Variants in COL4A3 observed in about 807,000 individuals in gnomAD.
The protein encoded by COL4A3 is collagen alpha-3(IV) chain.
A neutral mutation model predicts 217.4 loss-of-function variants in COL4A3; 135 were observed. That is an observed-to-expected ratio of 0.62 (90% CI 0.54 to 0.72). The LOEUF (loss-of-function observed/expected upper bound fraction) is 0.72. Among genes scored for constraint, COL4A3 ranks in the 30% least tolerant of loss-of-function variants. The probability of loss-of-function intolerance (pLI) is 0.00; values close to 1 mark genes in which losing one functional copy is unlikely to be tolerated. For synonymous variants in COL4A3, 690 were observed against 736.3 expected (o/e 0.94, Z 1.02); for missense variants, 1,868 against 2,119.9 (o/e 0.88, Z 2.33).
intron 3 of COL4A3, among the ~76,000 whole-genome samples, chr2:227,244,023 T>G (rs552453521): frequency 6.6e-6 from 1 of 152,150 alleles, no homozygotes; most frequent in African/African-American, 2.4e-5. Flanking sequence ...CGGTCAATAG[T>G]CTGGGAGGTG....
intron 32 of COL4A3, among the ~76,000 whole-genome samples, chr2:227,283,251 C>T (rs1173723411): frequency 6.6e-6 from 1 of 152,172 alleles, no homozygotes; most frequent in Non-Finnish European, 1.5e-5. Flanking sequence ...AAGGACCTCA[C>T]CGATCTCCCC....
intron 32 of COL4A3, among the ~76,000 whole-genome samples, chr2:227,283,252 C>T (rs191257286): frequency 1.3e-3 from 191 of 152,180 alleles, no homozygotes; most frequent in Non-Finnish European, 2.0e-3. Flanking sequence ...AGGACCTCAC[C>T]GATCTCCCCT....
intron 26 of COL4A3, among the ~76,000 whole-genome samples, chr2:227,274,959 A>C (rs1038450845): frequency 3.9e-5 from 6 of 152,238 alleles, no homozygotes; most frequent in African/African-American, 1.4e-4. Context: ...GATGCATGAA[A>C]ATTACATGAA....
Position 227,279,931 on chromosome 2 carries a change from G to A in COL4A3, c.2223+41G>A, listed in dbSNP as rs1490359849. 3.5e-6 allele frequency: 5 copies of A among 1,438,712 alleles called. No homozygotes were observed. The South Asian group carries it at 4.8e-5, about 14-fold the overall frequency. The allele number at this position is 1,438,712 out of a possible 1,614,324, so 89.1% of individuals were successfully genotyped here. ...AGCTATCACAGAAGAGAGGGTGGGT[G>A]ACCATTAACTGGCCAGTTTGTATGC... is the stretch of plus-strand genomic sequence containing the variant. On this transcript the variant is annotated intron_variant, in intron 29 of 51. Coordinates refer to ENST00000396578, the MANE Select transcript of COL4A3 (RefSeq NM_000091.5).
intron 1 of COL4A3, among the ~76,000 whole-genome samples, chr2:227,174,767 A>G (rs1453959215): frequency 6.6e-6 from 1 of 152,180 alleles, no homozygotes; most frequent in Non-Finnish European, 1.5e-5. Context: ...TTGGCCTCCC[A>G]AAGTGTTGGG....
intron 1 of COL4A3, among the ~76,000 whole-genome samples, chr2:227,213,230 A>G (rs2067393342): frequency 6.6e-6 from 1 of 152,236 alleles, no homozygotes; most frequent in Non-Finnish European, 1.5e-5. Context: ...GACCACATGT[A>G]TAAGAGTGTG....
At position 227,303,857 on chromosome 2, in the gene COL4A3, A is replaced by G; in HGVS notation, c.3956-2A>G. On this transcript the variant is annotated splice_acceptor_variant, in intron 44 of 51. Transcript: ENST00000396578. LOFTEE classifies it high-confidence loss of function. Reference sequence around the variant, plus strand: ...TCACACTGTGTCTTTGTTTGTTTTTAGGAGAAAAGGGTAATCCTGGATTTC... The same window carrying G: ...TCACACTGTGTCTTTGTTTGTTTTTGGGAGAAAAGGGTAATCCTGGATTTC... The G allele has an allele frequency of 6.2e-7, 1 of 1,613,964 alleles. No homozygotes were observed. The highest frequency in any genetic ancestry group is 8.5e-7 in the Non-Finnish European group (1 of 1,179,940).
chr2:227,307,181 TCTTA>T (rs942745092), intron 47 of COL4A3, among the ~76,000 whole-genome samples: 6 of 152,234 alleles, frequency 3.9e-5, no homozygotes, highest in African/African-American at 1.4e-4. Context: ...AGCCTTCTCT[TCTTA>T]CTTGACTTAC....
In COL4A3 at chr2:227,202,784, ACACATG is replaced by A. The variant is rs1289985749; in HGVS notation, c.88-35183_88-35178del. On this transcript the variant is annotated intron_variant, in intron 1 of 51. Transcript: ENST00000396578. ...ATATATATATATATCACATATATAT[ACACATG>A]TGTATATATATAATATGTGTATATA... Among the ~76,000 whole-genome samples, 64 of 133,230 alleles carry A rather than the reference ACACATG, an allele frequency of 4.8e-4. 7 individuals carry two copies. The highest frequency in any genetic ancestry group is 2.0e-3 in the Admixed American group (25 of 12,604). The allele number at this position is 133,230 out of a possible 152,430, so 87.4% of individuals were successfully genotyped here.
Position 227,280,368 on chromosome 2 carries a change from C to A in COL4A3, c.2224-72C>A. The A allele has an allele frequency of 1.9e-6, 3 of 1,565,712 alleles. No individual in the cohort carries two copies. The South Asian group carries it at 3.4e-5, about 17-fold the overall frequency. On this transcript the variant is annotated intron_variant, in intron 29 of 51. Coordinates refer to ENST00000396578, the MANE Select transcript of COL4A3 (RefSeq NM_000091.5). ...GCTGTGCAACAGGGACTTAGAGCCT[C>A]CATAACAGAGAGTCAATATCAGTGA...
intron 23 of COL4A3, among the ~76,000 whole-genome samples, chr2:227,267,467 A>AT (rs1356259801): frequency 6.6e-6 from 1 of 152,060 alleles, no homozygotes; most frequent in African/African-American, 2.4e-5. Flanking sequence ...TACTCAGTCC[A>AT]TTTTTTCATG....
intron 21 of COL4A3, 61 bp downstream of exon 21, chr2:227,264,005 C>T (rs2070746163): frequency 3.1e-6 from 5 of 1,588,056 alleles, no homozygotes; most frequent in Non-Finnish European, 4.3e-6. Flanking sequence ...GTGTGCAAAC[C>T]ACGGGCAACA....
chr2:227,249,227 TA>T (rs1296294960), intron 9 of COL4A3, among the ~76,000 whole-genome samples: 44 of 45,942 alleles, frequency 9.6e-4, no homozygotes, highest in African/African-American at 2.9e-3. Context: ...TATATATATA[TA>T]TATTTTTTTT....
At chr2:227,295,866 G>T (rs894346611) in intron 41 of COL4A3, among the ~76,000 whole-genome samples, 23 of 152,176 alleles carry the variant, frequency 1.5e-4, no homozygotes, top group African/African-American at 5.3e-4. Flanking sequence ...GCAGGCCACA[G>T]ATCTGGATTT....
At chr2:227,295,337 G>T in intron 41 of COL4A3, 21 bp downstream of exon 41, 1 of 1,610,566 alleles carries the variant, frequency 6.2e-7, no homozygotes. Flanking sequence ...CTTCTTCCCT[G>T]TCCTAATGTA....
intron 1 of COL4A3, among the ~76,000 whole-genome samples, chr2:227,197,990 C>A (rs1404485877): frequency 6.6e-6 from 1 of 152,216 alleles, no homozygotes; most frequent in Non-Finnish European, 1.5e-5. Context: ...CTCCTGCCTT[C>A]TCTGTAAGTT....
intron 36 of COL4A3, among the ~76,000 whole-genome samples, 159 bp downstream of exon 36, chr2:227,290,247 C>A: frequency 6.6e-6 from 1 of 152,152 alleles, no homozygotes; most frequent in East Asian, 1.9e-4. Context: ...CCTGTAATCC[C>A]AGCACTTTGG....
chr2:227,203,933 T>C (rs1045846062), intron 1 of COL4A3, among the ~76,000 whole-genome samples: 3 of 152,044 alleles, frequency 2.0e-5, no homozygotes, highest in Admixed American at 1.3e-4. Context: ...CTAATGTCAA[T>C]TGCTGGATTC....
intron 1 of COL4A3, among the ~76,000 whole-genome samples, chr2:227,201,690 CA>C (rs2066692708): frequency 6.6e-6 from 1 of 152,150 alleles, no homozygotes; most frequent in East Asian, 1.9e-4. Flanking sequence ...AAATCCTTTT[CA>C]ACTGTAAAAC....
Sources: allele counts gnomAD v4.1 joint callset (sites outside exome capture counted in the v4.1 genomes callset), GRCh38; gene constraint gnomAD v4.1.1; transcripts MANE v1.5; gene names NCBI Gene and HGNC (gene_info 2026-07-23, HGNC 2026-07-21).